Variants in ASTN2 observed in about 807,000 individuals in gnomAD.
ASTN2 encodes the protein astrotactin 2.
Under a neutral mutation model 139.8 loss-of-function variants are expected in ASTN2, and 54 were observed. That is an observed-to-expected ratio of 0.39 (90% CI 0.31 to 0.48). ASTN2 has a LOEUF of 0.48. Among genes scored for constraint, ASTN2 ranks in the 20% least tolerant of loss-of-function variants. The pLI is 0.95. For missense variants in ASTN2, 1,565 were observed against 1,725.1 expected, an observed-to-expected ratio of 0.91 and a Z score of 1.64; for synonymous variants, 756 against 719.5, an observed-to-expected ratio of 1.05 and a Z score of -0.81.
intron 1 of ASTN2, among the ~76,000 whole-genome samples, chr9:117,295,465 G>A (rs530275976): frequency 7.0e-4 from 106 of 152,024 alleles, no homozygotes; most frequent in Non-Finnish European, 8.7e-4. Flanking sequence ...CATCTCTCAC[G>A]CACTTTGGAA....
intron 1 of ASTN2, among the ~76,000 whole-genome samples, chr9:117,306,852 C>A (rs994609794): frequency 3.9e-5 from 6 of 152,150 alleles, no homozygotes; most frequent in African/African-American, 1.4e-4. Flanking sequence ...CTCATAACCA[C>A]CACCCTAATT....
At chr9:116,955,303 C>T (rs982568266) in intron 10 of ASTN2, among the ~76,000 whole-genome samples, 1 of 152,178 alleles carries the variant, frequency 6.6e-6, no homozygotes, top group South Asian at 2.1e-4. Context: ...GAAATGGAAA[C>T]CATTGTCCTC....
chr9:116,764,013 C>T (rs148573665), intron 13 of ASTN2, among the ~76,000 whole-genome samples: 1 of 152,312 alleles, frequency 6.6e-6, no homozygotes, highest in African/African-American at 2.4e-5. Flanking sequence ...ATTCTGAACA[C>T]ATCACTCACA....
intron 7 of ASTN2, among the ~76,000 whole-genome samples, chr9:116,998,439 T>A (rs1346924051): frequency 6.6e-6 from 1 of 152,158 alleles, no homozygotes; most frequent in African/African-American, 2.4e-5. Context: ...AACACACACT[T>A]TAGCCAGAGT....
chr9:116,666,964 T>C (rs1858904585), intron 16 of ASTN2, among the ~76,000 whole-genome samples: 1 of 138,052 alleles, frequency 7.2e-6, no homozygotes, highest in South Asian at 2.4e-4. Flanking sequence ...TTTTTTTTTT[T>C]TTTTTTTTTG....
chr9:117,379,298 G>A (rs1207919948), intron 1 of ASTN2, among the ~76,000 whole-genome samples: 1 of 152,156 alleles, frequency 6.6e-6, no homozygotes, highest in Non-Finnish European at 1.5e-5. Flanking sequence ...TGTGAGGCAA[G>A]ACGCCCCTTG....
chr9:116,594,520 G>A (rs181979081), intron 19 of ASTN2, among the ~76,000 whole-genome samples: 19 of 152,296 alleles, frequency 1.2e-4, no homozygotes, highest in Admixed American at 7.8e-4. Flanking sequence ...GACTGTCCAC[G>A]TAGCTAATAG....
At chr9:116,428,351 C>A (rs1176387549) in intron 22 of ASTN2, among the ~76,000 whole-genome samples, 1 of 152,124 alleles carries the variant, frequency 6.6e-6, no homozygotes, top group Non-Finnish European at 1.5e-5. Context: ...TACTGAAACC[C>A]TGTCTTTACT....
intron 10 of ASTN2, among the ~76,000 whole-genome samples, chr9:116,964,256 T>TGTGA (rs1491183340): frequency 1.0e-5 from 1 of 98,868 alleles, no homozygotes. Flanking sequence ...TGTGTGTGTG[T>TGTGA]GCGCGCGCGC....
intron 3 of ASTN2, among the ~76,000 whole-genome samples, chr9:117,165,187 C>G (rs923357299): frequency 6.6e-6 from 1 of 152,052 alleles, no homozygotes; most frequent in Non-Finnish European, 1.5e-5. Context: ...ATCCCTCTCC[C>G]GCCATTTGCA....
intron 10 of ASTN2, among the ~76,000 whole-genome samples, chr9:116,879,580 A>G (rs1833399038): frequency 6.6e-6 from 1 of 152,182 alleles, no homozygotes; most frequent in Admixed American, 6.5e-5. Context: ...ATTACATTAG[A>G]TAATAAAACT....
chr9:117,323,362 C>G (rs1828400111), intron 1 of ASTN2, among the ~76,000 whole-genome samples: 2 of 152,086 alleles, frequency 1.3e-5, no homozygotes, highest in Admixed American at 1.3e-4. Flanking sequence ...AGACTACCAC[C>G]ACCACCACTA....
intron 2 of ASTN2, among the ~76,000 whole-genome samples, chr9:117,224,013 C>T (rs1325071820): frequency 6.6e-6 from 1 of 152,212 alleles, no homozygotes; most frequent in African/African-American, 2.4e-5. Flanking sequence ...TACCCCCCAG[C>T]TCAATCTTCC....
At chr9:117,304,572 C>T (rs1266501492) in intron 1 of ASTN2, among the ~76,000 whole-genome samples, 4 of 152,184 alleles carry the variant, frequency 2.6e-5, no homozygotes, top group African/African-American at 9.6e-5. Context: ...GTCTCTGTGG[C>T]TCTGATTTGA....
At chr9:116,864,726 C>A (rs10817944) in intron 10 of ASTN2, among the ~76,000 whole-genome samples, 31,527 of 152,052 alleles carry the variant, frequency 0.21, 3,644 homozygotes, top group African/African-American at 0.31. Context: ...ATGCCTGCAG[C>A]CACACATGAA....
rs1156231295 is a variant in ASTN2, at chr9:116,805,109, A to T, written c.2396+523T>A. Among the ~76,000 whole-genome samples the T allele has an allele frequency of 2.8e-5, 4 of 143,022 alleles. No individual in the cohort carries two copies. The South Asian group carries it at 6.9e-4, about 25-fold the overall frequency. 93.8% of individuals were successfully genotyped at this position (143,022 alleles called of 152,430 possible). A position where few individuals can be genotyped will look rare whatever the true frequency, so the allele number is the denominator to read the frequency against. ...TAAACAGCTTTACTGGGATTTGGGGAGTGTGTGTGTGTGTGTGTGTGTGTG... is the reference window on the plus strand; with the variant it reads ...TAAACAGCTTTACTGGGATTTGGGGTGTGTGTGTGTGTGTGTGTGTGTGTG... On this transcript the variant is annotated intron_variant, in intron 13 of 22. Transcript: ENST00000313400.
intron 11 of ASTN2, among the ~76,000 whole-genome samples, chr9:116,861,384 A>G (rs929355778): frequency 1.2e-4 from 19 of 152,316 alleles, no homozygotes; most frequent in African/African-American, 4.6e-4. Context: ...AATCCTTTGA[A>G]AAAGGTCAGC....
intron 2 of ASTN2, among the ~76,000 whole-genome samples, chr9:117,233,035 C>A (rs1354616352): frequency 2.0e-5 from 3 of 152,162 alleles, no homozygotes; most frequent in African/African-American, 7.2e-5. Context: ...TGGAGCTCCT[C>A]TCTTTGCTGT....
At chr9:117,007,542 G>A (rs1837392713) in intron 7 of ASTN2, among the ~76,000 whole-genome samples, 1 of 152,126 alleles carries the variant, frequency 6.6e-6, no homozygotes, top group Non-Finnish European at 1.5e-5. Flanking sequence ...CATGTTTAGT[G>A]TCTACCCCAC....
Sources: allele counts gnomAD v4.1 joint callset (sites outside exome capture counted in the v4.1 genomes callset), GRCh38; gene constraint gnomAD v4.1.1; transcripts MANE v1.5; gene names NCBI Gene and HGNC (gene_info 2026-07-23, HGNC 2026-07-21).